The following THSD4 variants were observed in gnomAD, a reference collection of about 807,000 sequenced individuals.
The protein encoded by THSD4 is thrombospondin type-1 domain-containing protein 4.
THSD4 carries 69 observed loss-of-function variants against 119.0 expected under a neutral mutation model. The observed-to-expected ratio is 0.58, with a 90% CI of 0.48 to 0.71. The LOEUF (loss-of-function observed/expected upper bound fraction) is 0.71. Among genes scored for constraint, THSD4 ranks in the 30% least tolerant of loss-of-function variants. The probability of loss-of-function intolerance (pLI) is 0.00; values close to 1 mark genes in which losing one functional copy is unlikely to be tolerated. For missense variants in THSD4, 1,393 were observed against 1,391.1 expected (o/e 1.00, Z -0.02); for synonymous variants, 524 against 540.4 (o/e 0.97, Z 0.42).
intron 7 of THSD4, among the ~76,000 whole-genome samples, chr15:71,525,759 C>A (rs1567021292): frequency 1.3e-5 from 2 of 152,160 alleles, no homozygotes; most frequent in Non-Finnish European, 2.9e-5. Flanking sequence ...GAGATACATT[C>A]TTTGCATCTC....
At position 71,581,593 on chromosome 15, in the gene THSD4, T is replaced by C. The variant is rs540807757; in HGVS notation, c.1153-78937T>C. ...TTGCCTGTGCAACAAAAAAATATTA[T>C]TGCCTGGACCAGTGTCAAAAAACTT... On this transcript the variant is annotated intron_variant, in intron 7 of 17. Coordinates refer to ENST00000261862, the MANE Select transcript of THSD4 (RefSeq NM_024817.3). Among the ~76,000 whole-genome samples the C allele has an allele frequency of 1.3e-3, 196 of 151,962 alleles. 2 individuals carry two copies. The highest frequency in any genetic ancestry group is 4.4e-3 in the African/African-American group (181 of 41,496).
chr15:71,309,809 T>C (rs2045086023), intron 6 of THSD4, among the ~76,000 whole-genome samples: 1 of 152,240 alleles, frequency 6.6e-6, no homozygotes, highest in South Asian at 2.1e-4. Flanking sequence ...TTCTGTTTCT[T>C]TCTTAATAAA....
rs115618708 is a variant in THSD4 at position 71,484,737 on chromosome 15, G to A, written c.1152+72914G>A. 2.6e-3 allele frequency among the ~76,000 whole-genome samples: 395 copies of A among 152,310 alleles called. 1 individual carries two copies. The highest frequency in any genetic ancestry group is 8.8e-3 in the African/African-American group (367 of 41,564). On this transcript the variant is annotated intron_variant, in intron 7 of 17. Coordinates refer to ENST00000261862, the MANE Select transcript of THSD4 (RefSeq NM_024817.3). ...GTGGAAACAGAGGAAACTCAGAGAC[G>A]TGAAGTGACCTGTCCGTGGCCATCT...
chr15:71,749,220 G>A (rs566452196), intron 14 of THSD4, among the ~76,000 whole-genome samples: 5 of 152,342 alleles, frequency 3.3e-5, no homozygotes, highest in South Asian at 2.1e-4. Flanking sequence ...AAGTGGTTAC[G>A]ATGGTCAATT....
chr15:71,457,903 C>CGG (rs2047363057), intron 7 of THSD4, among the ~76,000 whole-genome samples: 1 of 152,180 alleles, frequency 6.6e-6, no homozygotes, highest in Non-Finnish European at 1.5e-5. Context: ...ATCTTCCTCA[C>CGG]CGTTGGATTT....
intron 3 of THSD4, among the ~76,000 whole-genome samples, chr15:71,160,146 T>TC (rs980089755): frequency 6.6e-6 from 1 of 152,148 alleles, no homozygotes; most frequent in Non-Finnish European, 1.5e-5. Flanking sequence ...TGTTGAATCA[T>TC]CCTTCCATCC....
upstream of THSD4, chr15:71,112,315 G>A: frequency 1.5e-6 from 2 of 1,317,628 alleles, no homozygotes; most frequent in Non-Finnish European, 1.0e-6. Flanking sequence ...AGAATGAAGG[G>A]GGGTACTATT....
intron 7 of THSD4, among the ~76,000 whole-genome samples, chr15:71,457,669 C>CTCACTCAT (rs1355162496): frequency 1.3e-5 from 2 of 152,176 alleles, no homozygotes; most frequent in Non-Finnish European, 2.9e-5. Flanking sequence ...CTTTACCAGG[C>CTCACTCAT]TCACTCATTC....
At chr15:71,644,070 T>G (rs1225729324) in intron 7 of THSD4, among the ~76,000 whole-genome samples, 2 of 152,224 alleles carry the variant, frequency 1.3e-5, no homozygotes. Context: ...GCCACTGACC[T>G]GTCTCATTTA....
At chr15:71,120,183 C>T (rs116968619) in intron 1 of THSD4, among the ~76,000 whole-genome samples, 27 of 152,336 alleles carry the variant, frequency 1.8e-4, no homozygotes, top group African/African-American at 4.6e-4. Flanking sequence ...CCCAGCTGCG[C>T]GGTGATAGTA....
chr15:71,426,372 T>A (rs2046867450), intron 7 of THSD4, among the ~76,000 whole-genome samples: 2 of 116,048 alleles, frequency 1.7e-5, no homozygotes. Context: ...TAGCTGTGTG[T>A]GTGTGTGTGT....
intron 8 of THSD4, among the ~76,000 whole-genome samples, chr15:71,701,315 G>T (rs2052284431): frequency 6.6e-6 from 1 of 152,134 alleles, no homozygotes. Context: ...TTACAGTGGG[G>T]TACAATTTTA....
chr15:71,155,225 T>C (rs2040764816), intron 3 of THSD4, among the ~76,000 whole-genome samples: 1 of 152,116 alleles, frequency 6.6e-6, no homozygotes, highest in African/African-American at 2.4e-5. Flanking sequence ...CTTACAATTA[T>C]GGCGGAAGAC....
intron 7 of THSD4, among the ~76,000 whole-genome samples, chr15:71,449,585 C>T (rs2047235194): frequency 6.6e-6 from 1 of 152,144 alleles, no homozygotes; most frequent in Non-Finnish European, 1.5e-5. Context: ...AAAATACAAT[C>T]AGCTGTTATT....
At chr15:71,590,991 G>A (rs1273055129) in intron 7 of THSD4, among the ~76,000 whole-genome samples, 1 of 106,048 alleles carries the variant, frequency 9.4e-6, no homozygotes, top group African/African-American at 3.7e-5. Flanking sequence ...GGGCGACAGA[G>A]CAAGACTCCA....
At chr15:71,467,303 T>C (rs1330649179) in intron 7 of THSD4, among the ~76,000 whole-genome samples, 8 of 152,178 alleles carry the variant, frequency 5.3e-5, no homozygotes, top group African/African-American at 1.9e-4. Context: ...AAAAGACAGA[T>C]TGACAAGAGA....
Position 71,442,579 on chromosome 15 carries a change from A to AT in THSD4, c.1152+30756_1152+30757insT, listed in dbSNP as rs1555414269. 4.1e-3 allele frequency among the ~76,000 whole-genome samples: 163 copies of AT among 39,862 alleles called. 22 individuals carry two copies. Among genetic ancestry groups the AT allele is most frequent in the South Asian group, 0.025 (19 of 774 alleles). The allele number at this position is 39,862 out of a possible 152,430, so 26.2% of individuals were successfully genotyped here. On this transcript the variant is annotated intron_variant, in intron 7 of 17. Transcript: ENST00000261862. ...GCAAAACTCCATCTCAAAAAAAAAA[A>AT]ATATATATATATATATATATATGTG...
chr15:71,752,407 T>C (rs1437407867), intron 14 of THSD4, among the ~76,000 whole-genome samples: 1 of 152,252 alleles, frequency 6.6e-6, no homozygotes, highest in Non-Finnish European at 1.5e-5. Context: ...ATGAGCACTT[T>C]ATTCTATTCA....
intron 1 of THSD4, among the ~76,000 whole-genome samples, chr15:71,133,762 C>T (rs930132484): frequency 1.3e-5 from 2 of 152,158 alleles, no homozygotes; most frequent in African/African-American, 4.8e-5. Flanking sequence ...AAGTATCTTA[C>T]CCGCCTGATA....
Sources: gnomAD v4.1 joint callset for allele counts (sites outside exome capture counted in the v4.1 genomes callset) on GRCh38, gnomAD v4.1.1 for gene constraint, MANE v1.5 for transcripts, NCBI Gene and HGNC (gene_info 2026-07-23, HGNC 2026-07-21) for gene names.